Variants in NR2C1 observed in about 807,000 individuals in gnomAD.
NR2C1 encodes TR2 nuclear hormone receptor.
A neutral mutation model predicts 74.8 loss-of-function variants in NR2C1; 33 were observed. The ratio of observed to expected loss-of-function variants is 0.44; its 90% CI spans 0.33 to 0.59. The LOEUF (loss-of-function observed/expected upper bound fraction) is 0.59, where lower values mean the gene tolerates loss of function less well. NR2C1 is among the 20% of genes least tolerant of loss of function. The pLI is 0.02. For synonymous variants in NR2C1, 225 were observed against 240.6 expected (o/e 0.94, Z 0.60); for missense variants, 568 against 715.6 (o/e 0.79, Z 2.35).
chr12:95,052,694 C>A (rs753310721), intron 7 of NR2C1, among the ~76,000 whole-genome samples: 6 of 150,946 alleles, frequency 4.0e-5, no homozygotes, highest in Non-Finnish European at 7.4e-5. Flanking sequence ...ATCAAGTGAT[C>A]CTCCCTGCCT....
At position 95,067,391 on chromosome 12, in the gene NR2C1, C is replaced by T; in HGVS notation, c.-7G>A. 6.2e-7 allele frequency: 1 copy of T among 1,607,884 alleles called. No homozygotes were observed. Among genetic ancestry groups the T allele is most frequent in the Non-Finnish European group, 8.5e-7 (1 of 1,174,662 alleles). On this transcript the variant is annotated splice_region_variant and 5_prime_UTR_variant, in exon 2 of 14. Coordinates refer to ENST00000333003, the MANE Select transcript of NR2C1 (RefSeq NM_003297.4). ...TTTCTTCTATGGTTGCCATGATCTA[C>T]CTGCCAAAAATAAAAAGATGTTTTA...
At chr12:95,050,628 A>G (rs748848474) in intron 8 of NR2C1, among the ~76,000 whole-genome samples, 3 of 150,558 alleles carry the variant, frequency 2.0e-5, no homozygotes, top group Non-Finnish European at 4.4e-5. Context: ...TATTTTTATC[A>G]TATCTTTTTT....
chr12:95,053,385 A>G (rs1012090965), intron 7 of NR2C1, among the ~76,000 whole-genome samples: 1 of 152,134 alleles, frequency 6.6e-6, no homozygotes, highest in Admixed American at 6.6e-5. Context: ...TCAGAAATAT[A>G]ATTTGTACGG....
chr12:95,071,241 A>T lies in NR2C1; in HGVS notation c.-8+2139T>A, dbSNP rs977562888. On this transcript the variant is annotated intron_variant, in intron 1 of 13. Transcript: ENST00000333003. ...AAAATTTTGATTCAAATAGTTTTTT[A>T]CCCAGTCTTTCTTGAAGGGTCGAAC... Among the ~76,000 whole-genome samples, 6 of 151,892 alleles carry T rather than the reference A, an allele frequency of 4.0e-5. No individual in the cohort carries two copies. In the East Asian group the frequency reaches 7.7e-4, roughly 20 times the overall value.
chr12:95,044,662 G>C (rs1241407629), intron 9 of NR2C1, among the ~76,000 whole-genome samples: 2 of 152,048 alleles, frequency 1.3e-5, no homozygotes. Flanking sequence ...GAGGTGGGCG[G>C]ATCATTGGAG....
At chr12:95,071,369 A>G (rs948916058) in intron 1 of NR2C1, among the ~76,000 whole-genome samples, 5 of 152,208 alleles carry the variant, frequency 3.3e-5, no homozygotes, top group Non-Finnish European at 7.3e-5. Context: ...ATTTTTCTAG[A>G]CAAGTTCATA....
intron 10 of NR2C1, among the ~76,000 whole-genome samples, chr12:95,039,164 G>A (rs1400251670): frequency 1.3e-5 from 2 of 152,050 alleles, no homozygotes; most frequent in African/African-American, 2.4e-5. Flanking sequence ...TCCTAAATCA[G>A]GCTTTTAGTC....
chr12:95,049,843 T>G (rs1487812416), intron 8 of NR2C1, among the ~76,000 whole-genome samples: 3 of 152,214 alleles, frequency 2.0e-5, no homozygotes, highest in Non-Finnish European at 4.4e-5. Flanking sequence ...TCAGCAAGGC[T>G]GGAGTGCAGT....
intron 2 of NR2C1, chr12:95,067,033 T>A: frequency 7.7e-6 from 3 of 391,596 alleles, no homozygotes; most frequent in Non-Finnish European, 1.4e-5. Context: ...TAAAAAGAAT[T>A]CCCTCAAAAG....
At chr12:95,030,487 A>G in intron 11 of NR2C1, 1 of 1,542,944 alleles carries the variant, frequency 6.5e-7, no homozygotes, top group South Asian at 1.3e-5. Flanking sequence ...AGTCAACCAT[A>G]GCTTTCCTGA....
In NR2C1 at chr12:95,072,471, A is replaced by G. The variant is rs192930051; in HGVS notation, c.-8+909T>C. Reference sequence around the variant, plus strand: ...TCTCCCTCTCAAAAAAAAAAAAAAAAAAAGAAAAAAAAATCGAGTATCACC... The same window carrying G: ...TCTCCCTCTCAAAAAAAAAAAAAAAGAAAGAAAAAAAAATCGAGTATCACC... On this transcript the variant is annotated intron_variant, in intron 1 of 13. Coordinates refer to ENST00000333003, the MANE Select transcript of NR2C1 (RefSeq NM_003297.4). Among the ~76,000 whole-genome samples, 74 of 150,718 alleles carry G rather than the reference A, an allele frequency of 4.9e-4. No individual in the cohort carries two copies. The East Asian group carries it at 0.01, about 21-fold the overall frequency.
At chr12:95,053,681 G>GTTGTTTT (rs764023645) in intron 7 of NR2C1, among the ~76,000 whole-genome samples, 13 of 103,400 alleles carry the variant, frequency 1.3e-4, no homozygotes, top group East Asian at 8.2e-4. Flanking sequence ...TCTTTTTGGT[G>GTTGTTTT]TTTTTTTTTT....
chr12:95,029,512 CAACAAACCA>C (rs1030975535), intron 11 of NR2C1, among the ~76,000 whole-genome samples: 77 of 149,536 alleles, frequency 5.1e-4, no homozygotes, highest in African/African-American at 1.6e-3. Flanking sequence ...TTAAAAAAAA[CAACAAACCA>C]AACAAACAAA....
At chr12:95,044,352 C>T (rs1402751822) in intron 9 of NR2C1, among the ~76,000 whole-genome samples, 1 of 151,976 alleles carries the variant, frequency 6.6e-6, no homozygotes, top group Admixed American at 6.6e-5. Context: ...ACTGCAACCT[C>T]CGCCTCCCGG....
In NR2C1 at chr12:95,028,646, CAG is replaced by C. The variant is rs1168953366; in HGVS notation, c.1394-124_1394-123del. ...TTTAATTCTTAAATTTTTTTTGAGACAGGGTTTTACTCCTGTCGCCCAGGTGG... is the reference window on the plus strand; with the variant it reads ...TTTAATTCTTAAATTTTTTTTGAGACGGTTTTACTCCTGTCGCCCAGGTGG... On this transcript the variant is annotated intron_variant, in intron 11 of 13. Transcript: ENST00000333003. The C allele has an allele frequency of 5.7e-6, 4 of 698,040 alleles. No individual in the cohort carries two copies. In the East Asian group the frequency reaches 1.1e-4, roughly 19 times the overall value. 43.2% of individuals were successfully genotyped at this position (698,040 alleles called of 1,614,324 possible).
chr12:95,066,382 G>A (rs1308351402), intron 2 of NR2C1, among the ~76,000 whole-genome samples: 1 of 151,978 alleles, frequency 6.6e-6, no homozygotes, highest in Non-Finnish European at 1.5e-5. Flanking sequence ...ACAAAAAATG[G>A]CCACAAAAAA....
intron 12 of NR2C1, chr12:95,026,916 TATAAG>T (rs770930659): frequency 5.4e-5 from 8 of 147,478 alleles, no homozygotes; most frequent in Admixed American, 2.7e-4. Flanking sequence ...TGGTAACTCA[TATAAG>T]ATGTTTGGAA....
chr12:95,035,513 T>C (rs760656261), intron 10 of NR2C1, among the ~76,000 whole-genome samples: 1 of 152,088 alleles, frequency 6.6e-6, no homozygotes, highest in Non-Finnish European at 1.5e-5. Flanking sequence ...AGTAAGAAAG[T>C]ACCTTGGCAT....
intron 7 of NR2C1, among the ~76,000 whole-genome samples, chr12:95,052,789 G>GA (rs1592766359): frequency 6.6e-6 from 1 of 152,034 alleles, no homozygotes; most frequent in Non-Finnish European, 1.5e-5. Flanking sequence ...AAGAGCGGGG[G>GA]AAAAAATGGC....
Sources: gnomAD v4.1 joint callset for allele counts (sites outside exome capture counted in the v4.1 genomes callset) on GRCh38, gnomAD v4.1.1 for gene constraint, MANE v1.5 for transcripts, NCBI Gene and HGNC (gene_info 2026-07-23, HGNC 2026-07-21) for gene names.